Variants in COL13A1 observed in about 807,000 individuals in gnomAD.
The protein encoded by COL13A1 is collagen type XIII alpha 1 chain, also known as collagen alpha-1(XIII) chain.
A neutral mutation model predicts 130.9 loss-of-function variants in COL13A1; 89 were observed. That is an observed-to-expected ratio of 0.68 (90% CI 0.57 to 0.81). COL13A1 has a LOEUF of 0.81. COL13A1 is among the 30% of genes least tolerant of loss of function. The probability of loss-of-function intolerance (pLI) is 0.00; values close to 1 mark genes in which losing one functional copy is unlikely to be tolerated. For missense variants in COL13A1, 879 were observed against 934.6 expected (o/e 0.94, Z 0.78); for synonymous variants, 402 against 341.6 (o/e 1.18, Z -1.95).
intron 2 of COL13A1, among the ~76,000 whole-genome samples, chr10:69,858,119 A>AAAAAAAAAAAAAAAAAAAAAAC (rs1856979338): frequency 6.7e-6 from 1 of 148,574 alleles, no homozygotes; most frequent in Non-Finnish European, 1.5e-5. Context: ...CCGTCTCAAA[A>AAAAAAAAAAAAAAAAAAAAAAC]AAAAAAAAAA....
chr10:69,837,920 T>G (rs2133147528), intron 2 of COL13A1, among the ~76,000 whole-genome samples: 1 of 152,364 alleles, frequency 6.6e-6, no homozygotes, highest in South Asian at 2.1e-4. Flanking sequence ...TTTGCCCACC[T>G]TAAAAGCCCC....
At chr10:69,945,768 C>A in intron 37 of COL13A1, 44 bp downstream of exon 37, 2 of 1,589,322 alleles carry the variant, frequency 1.3e-6, no homozygotes, top group Non-Finnish European at 1.7e-6. Context: ...CCACCCCTGC[C>A]CCCATTAGAA....
At chr10:69,904,680 G>T (rs1036200026) in intron 15 of COL13A1, among the ~76,000 whole-genome samples, 1 of 152,188 alleles carries the variant, frequency 6.6e-6, no homozygotes, top group Non-Finnish European at 1.5e-5. Flanking sequence ...TTCCATGGGT[G>T]AGCACAGCAG....
At chr10:69,952,852 T>C (rs1012229240) in intron 38 of COL13A1, 30 bp from the exon 39 acceptor site, 3 of 1,470,760 alleles carry the variant, frequency 2.0e-6, no homozygotes, top group Non-Finnish European at 2.8e-6. Context: ...GTTTTGATGT[T>C]TTTTTCTCGG....
intron 6 of COL13A1, among the ~76,000 whole-genome samples, chr10:69,879,756 T>G (rs1389570528): frequency 1.3e-5 from 2 of 152,160 alleles, no homozygotes; most frequent in Non-Finnish European, 2.9e-5. Flanking sequence ...ATGGCACTTG[T>G]CTAGCTAGCT....
intron 2 of COL13A1, chr10:69,824,207 C>A: frequency 2.1e-6 from 1 of 468,724 alleles, no homozygotes; most frequent in South Asian, 1.6e-5. Flanking sequence ...ATCCTGGGAA[C>A]TGCTTAGCAT....
intron 17 of COL13A1, among the ~76,000 whole-genome samples, chr10:69,914,235 G>T (rs1446652820): frequency 6.6e-6 from 1 of 152,144 alleles, no homozygotes; most frequent in African/African-American, 2.4e-5. Context: ...GACCCACTGA[G>T]ACCCCTCCTA....
intron 2 of COL13A1, among the ~76,000 whole-genome samples, chr10:69,848,932 G>A (rs1327566700): frequency 6.6e-6 from 1 of 152,154 alleles, no homozygotes; most frequent in South Asian, 2.1e-4. Flanking sequence ...TGCTTCTGTG[G>A]TGCTGTCCCC....
At chr10:69,862,707 G>A (rs749107565) in intron 2 of COL13A1, among the ~76,000 whole-genome samples, 7 of 152,124 alleles carry the variant, frequency 4.6e-5, no homozygotes, top group South Asian at 2.1e-4. Flanking sequence ...CCATGGTCCC[G>A]GGAGGCAGGC....
intron 2 of COL13A1, 118 bp from the exon 3 acceptor site, chr10:69,867,680 C>T (rs760368315): frequency 1.7e-5 from 11 of 659,682 alleles, no homozygotes; most frequent in East Asian, 1.1e-4. Flanking sequence ...AGACAAACTT[C>T]GAAGACCAGA....
At chr10:69,929,513 A>T (rs1189176202) in intron 28 of COL13A1, among the ~76,000 whole-genome samples, 1 of 151,922 alleles carries the variant, frequency 6.6e-6, no homozygotes, top group African/African-American at 2.4e-5. Context: ...TCCTCCTTGA[A>T]GCCTCCCTGA....
At chr10:69,921,435 G>C (rs898383016) in intron 21 of COL13A1, among the ~76,000 whole-genome samples, 9 of 152,226 alleles carry the variant, frequency 5.9e-5, no homozygotes, top group Non-Finnish European at 1.0e-4. Context: ...AGGCGGAGAA[G>C]GGGGTGCCAG....
chr10:69,902,736 C>G lies in COL13A1; in HGVS notation c.751-12C>G. ...GGGCCTTCCCTCTAACATTCGTTTC[C>G]ATGAACCTCAGGGCGAACAGAGCCA... On this transcript the variant is annotated splice_polypyrimidine_tract_variant and intron_variant, in intron 14 of 40. Transcript: ENST00000645393. The G allele has an allele frequency of 6.5e-7, 1 of 1,544,814 alleles. No homozygotes were observed. Among genetic ancestry groups the G allele is most frequent in the Non-Finnish European group, 8.7e-7 (1 of 1,144,486 alleles).
intron 2 of COL13A1, among the ~76,000 whole-genome samples, chr10:69,823,404 A>C (rs1846621203): frequency 6.6e-6 from 1 of 152,216 alleles, no homozygotes; most frequent in Non-Finnish European, 1.5e-5. Context: ...TGCAGGAGAC[A>C]AGGTATCACA....
intron 1 of COL13A1, among the ~76,000 whole-genome samples, chr10:69,810,677 C>A (rs1842813977): frequency 6.6e-6 from 1 of 152,182 alleles, no homozygotes; most frequent in African/African-American, 2.4e-5. Context: ...TCTATTGAGC[C>A]CTCAGTCAGA....
chr10:69,864,475 C>T (rs1859216568), intron 2 of COL13A1, among the ~76,000 whole-genome samples: 1 of 152,310 alleles, frequency 6.6e-6, no homozygotes, highest in Middle Eastern at 3.4e-3. Flanking sequence ...AGTTATTCAT[C>T]TCTGTATCAT....
chr10:69,935,905 A>AG (rs111679846), intron 32 of COL13A1, among the ~76,000 whole-genome samples: 4,229 of 151,562 alleles, frequency 0.028, 173 homozygotes, highest in African/African-American at 0.086. Context: ...CAGCTACTCA[A>AG]GAGGCTAAGG....
chr10:69,944,071 C>T (rs2068070020), intron 35 of COL13A1, 54 bp from the exon 36 acceptor site: 37 of 1,510,224 alleles, frequency 2.4e-5, no homozygotes, highest in Non-Finnish European at 3.4e-5. Context: ...GTGGGGCACC[C>T]AGGGCTCCCC....
At chr10:69,912,110 T>A (rs959414335) in intron 17 of COL13A1, among the ~76,000 whole-genome samples, 1 of 152,170 alleles carries the variant, frequency 6.6e-6, no homozygotes, top group African/African-American at 2.4e-5. Context: ...TCTGAGACCT[T>A]GTGGAGACTA....
Sources: gnomAD v4.1 joint callset for allele counts (sites outside exome capture counted in the v4.1 genomes callset) on GRCh38, gnomAD v4.1.1 for gene constraint, MANE v1.5 for transcripts, NCBI Gene and HGNC (gene_info 2026-07-23, HGNC 2026-07-21) for gene names.